TRIM33: variants seen among roughly 807,000 people sequenced by gnomAD.
TRIM33 encodes tripartite motif containing 33, also known as E3 ubiquitin-protein ligase TRIM33.
A neutral mutation model predicts 125.4 loss-of-function variants in TRIM33; 20 were observed. That is an observed-to-expected ratio of 0.16 (90% confidence interval 0.11 to 0.23). TRIM33 has a LOEUF of 0.23. Among genes scored for constraint, TRIM33 ranks in the 10% least tolerant of loss-of-function variants. The pLI is 1.00. For synonymous variants in TRIM33, 564 were observed against 513.9 expected (o/e 1.10, Z -1.32); for missense variants, 920 against 1,411.4 (o/e 0.65, Z 5.58).
chr1:114,424,980 C>T (rs1414332055), intron 9 of TRIM33, among the ~76,000 whole-genome samples: 1 of 152,098 alleles, frequency 6.6e-6, no homozygotes, highest in Admixed American at 6.6e-5. Flanking sequence ...CCTGTTCCCC[C>T]TCTTTTTCTC....
At chr1:114,454,066 A>G (rs1242911624) in intron 4 of TRIM33, among the ~76,000 whole-genome samples, 1 of 152,140 alleles carries the variant, frequency 6.6e-6, no homozygotes, top group Non-Finnish European at 1.5e-5. Flanking sequence ...ATCAAACCTG[A>G]GTGTAGTTTT....
intron 11 of TRIM33, among the ~76,000 whole-genome samples, chr1:114,418,776 C>T (rs1181478637): frequency 2.7e-4 from 41 of 152,076 alleles, no homozygotes; most frequent in Admixed American, 2.7e-3. Context: ...CCAACAAGCC[C>T]TCCAACAAGC....
chr1:114,487,853 C>A (rs577922068), intron 1 of TRIM33, among the ~76,000 whole-genome samples: 114 of 139,480 alleles, frequency 8.2e-4, no homozygotes, highest in African/African-American at 2.8e-3. Flanking sequence ...GCCGAGATTG[C>A]GCCACTGCAG....
At chr1:114,449,183 C>T (rs1178163509) in intron 4 of TRIM33, among the ~76,000 whole-genome samples, 6 of 151,828 alleles carry the variant, frequency 4.0e-5, no homozygotes, top group South Asian at 4.2e-4. Flanking sequence ...AGTAAAAAGA[C>T]GTATCTCATA....
At chr1:114,479,153 A>G (rs1651148608) in intron 1 of TRIM33, among the ~76,000 whole-genome samples, 1 of 152,248 alleles carries the variant, frequency 6.6e-6, no homozygotes, top group African/African-American at 2.4e-5. Context: ...ACGAGAAAAG[A>G]ACAGATCCTC....
chr1:114,439,579 A>T (rs1648529965), intron 4 of TRIM33, among the ~76,000 whole-genome samples: 1 of 151,930 alleles, frequency 6.6e-6, no homozygotes, highest in African/African-American at 2.4e-5. Context: ...TAGTACATTA[A>T]TACATGTATA....
chr1:114,478,194 C>T (rs548413283), intron 1 of TRIM33, among the ~76,000 whole-genome samples: 4 of 152,022 alleles, frequency 2.6e-5, no homozygotes, highest in Admixed American at 2.6e-4. Flanking sequence ...TGAGGATGCT[C>T]CCATGGTCCC....
At chr1:114,399,928 G>C (rs934516161) in intron 17 of TRIM33, among the ~76,000 whole-genome samples, 6 of 151,614 alleles carry the variant, frequency 4.0e-5, no homozygotes, top group Non-Finnish European at 7.4e-5. Flanking sequence ...TGACTCCTTA[G>C]GAGTTTTTCT....
chr1:114,406,824 A>C, intron 14 of TRIM33, 117 bp downstream of exon 14: 1 of 993,602 alleles, frequency 1.0e-6, no homozygotes, highest in Non-Finnish European at 1.4e-6. Context: ...TGTGCCAGGC[A>C]TGAAATTTCA....
rs1450235117 is a variant in TRIM33, at chr1:114,421,543, T to C, written c.1954A>G (p.Asn652Asp). 3 of 1,614,134 alleles carry C rather than the reference T, an allele frequency of 1.9e-6. No homozygotes were observed. ...PTSPTTATMA[N>D]ANRGPTSPSV... ...GGGCTGGTGGGACCTCGGTTTGCAT[T>C]TGCCATAGTTGCTGTAGTAGGGCTC... The change falls in exon 11 of 20, where the codon AAT (asparagine) becomes GAT (aspartate). Residue 652 changes from asparagine (N) to aspartate (D), a missense_variant. Asn to Asp is a conservative substitution (Grantham distance 23). Coordinates refer to ENST00000358465, the MANE Select transcript of TRIM33 (RefSeq NM_015906.4).
chr1:114,397,607 G>GT lies in TRIM33; in HGVS notation c.*40dup, dbSNP rs370757901. ...TTTTTGTGTTTTTTTTTTTTTTTTCGTTTTTTTTTTTTTAAACAATTGATT... is the reference window on the plus strand; with the variant it reads ...TTTTTGTGTTTTTTTTTTTTTTTTCGTTTTTTTTTTTTTTAAACAATTGATT... On this transcript the variant is annotated 3_prime_UTR_variant, in exon 20 of 20. Coordinates refer to ENST00000358465, the MANE Select transcript of TRIM33 (RefSeq NM_015906.4). The GT allele has an allele frequency of 0.08, 43,608 of 546,466 alleles. 49 individuals are homozygous for GT. Among genetic ancestry groups the GT allele is most frequent in the South Asian group, 0.14 (3,412 of 24,682 alleles). 33.9% of individuals were successfully genotyped at this position (546,466 alleles called of 1,614,324 possible). A position where few individuals can be genotyped will look rare whatever the true frequency, so the allele number is the denominator to read the frequency against.
At chr1:114,419,179 C>G (rs1253309637) in intron 11 of TRIM33, among the ~76,000 whole-genome samples, 2 of 108,112 alleles carry the variant, frequency 1.8e-5, no homozygotes, top group Admixed American at 1.4e-4. Flanking sequence ...CCAGCCTGGG[C>G]AACAGAGCTA....
intron 10 of TRIM33, 77 bp downstream of exon 10, chr1:114,424,514 C>T: frequency 7.3e-7 from 1 of 1,366,840 alleles, no homozygotes; most frequent in Non-Finnish European, 9.8e-7. Context: ...ATGACCTGCT[C>T]CCAAAAAGTG....
intron 5 of TRIM33, 125 bp downstream of exon 5, chr1:114,433,492 C>T (rs1648095121): frequency 1.7e-6 from 1 of 579,326 alleles, no homozygotes; most frequent in South Asian, 2.6e-5. Flanking sequence ...ATCCCAAATT[C>T]ATACCATTTC....
In TRIM33 at chr1:114,396,826, TA is replaced by T. The variant is rs1219426672; in HGVS notation, c.*821del. On this transcript the variant is annotated 3_prime_UTR_variant, in exon 20 of 20. Transcript: ENST00000358465. ...AATTTAAATGTACAGAAAACTAGAT[TA>T]ATTTTGAAACAAACATTCTGCCTTT... 3.3e-5 allele frequency: 7 copies of T among 209,674 alleles called. No homozygotes were observed. Among genetic ancestry groups the T allele is most frequent in the Non-Finnish European group, 6.8e-5 (7 of 103,162 alleles). The allele number at this position is 209,674 out of a possible 1,614,324, so 13.0% of individuals were successfully genotyped here. A position where few individuals can be genotyped will look rare whatever the true frequency, so the allele number is the denominator to read the frequency against.
At chr1:114,399,235 G>T (rs1478707660) in intron 18 of TRIM33, among the ~76,000 whole-genome samples, 1 of 151,798 alleles carries the variant, frequency 6.6e-6, no homozygotes, top group Non-Finnish European at 1.5e-5. Context: ...ATTTAGAAAA[G>T]GATATTTGAT....
chr1:114,481,173 CA>C (rs994986728), intron 1 of TRIM33, among the ~76,000 whole-genome samples: 7 of 146,858 alleles, frequency 4.8e-5, no homozygotes, highest in East Asian at 2.1e-4. Context: ...ACTCTGTCTC[CA>C]AAAAAGAAAG....
chr1:114,505,252 G>C (rs1235970591), intron 1 of TRIM33, among the ~76,000 whole-genome samples: 2 of 152,162 alleles, frequency 1.3e-5, no homozygotes, highest in Non-Finnish European at 2.9e-5. Flanking sequence ...ACTGGTTGTT[G>C]GTGGAGTACC....
rs1486113486 is a variant in TRIM33 at position 114,397,741 on chromosome 1, A to G, written c.3291T>C (p.Asp1097=). Residue 1097 remains aspartate (D), a synonymous_variant, in exon 20 of 20, where the codon GAT becomes GAC. Coordinates refer to ENST00000358465, the MANE Select transcript of TRIM33 (RefSeq NM_015906.4). ...CAGAGTCCTCAGTTACCTCACCATC[A>G]TCCTCTTCCTGCTCAAACTCTGGCA... ...APLPEFEQEE[D]DGEVTEDSDE... The G allele has an allele frequency of 6.2e-7, 1 of 1,613,370 alleles. No individual in the cohort carries two copies. Among genetic ancestry groups the G allele is most frequent in the Non-Finnish European group, 8.5e-7 (1 of 1,179,840 alleles).
Sources: gnomAD v4.1 joint callset for allele counts (sites outside exome capture counted in the v4.1 genomes callset) on GRCh38, gnomAD v4.1.1 for gene constraint, MANE v1.5 for transcripts, NCBI Gene and HGNC (gene_info 2026-07-23, HGNC 2026-07-21) for gene names.